HCN1: variants seen among roughly 807,000 people sequenced by gnomAD.
HCN1 encodes potassium/sodium hyperpolarization-activated cyclic nucleotide-gated channel 1.
A neutral mutation model predicts 78.9 loss-of-function variants in HCN1; 13 were observed. That is an observed-to-expected ratio of 0.16 (90% CI 0.11 to 0.26). The LOEUF (loss-of-function observed/expected upper bound fraction) is 0.26, where lower values mean the gene tolerates loss of function less well. Among genes scored for constraint, HCN1 ranks in the 10% least tolerant of loss-of-function variants. HCN1 has a pLI of 1.00. For missense variants in HCN1, 810 were observed against 1,154.3 expected, an observed-to-expected ratio of 0.70 and a Z score of 4.32; for synonymous variants, 552 against 455.5, an observed-to-expected ratio of 1.21 and a Z score of -2.70.
chr5:45,581,705 T>G (rs1744077238), intron 2 of HCN1, among the ~76,000 whole-genome samples: 1 of 152,206 alleles, frequency 6.6e-6, no homozygotes, highest in Non-Finnish European at 1.5e-5. Flanking sequence ...GTATAAGGTG[T>G]AAGGAAGGGA....
At chr5:45,291,269 C>A (rs1561090910) in intron 6 of HCN1, among the ~76,000 whole-genome samples, 1 of 152,000 alleles carries the variant, frequency 6.6e-6, no homozygotes, top group Non-Finnish European at 1.5e-5. Context: ...CTGTTCACTA[C>A]CTTCCCACAT....
chr5:45,356,233 G>T (rs1579836881), intron 4 of HCN1, among the ~76,000 whole-genome samples: 1 of 151,986 alleles, frequency 6.6e-6, no homozygotes, highest in East Asian at 1.9e-4. Context: ...CAGACAAATA[G>T]ATTTTTGAAA....
chr5:45,612,916 T>C (rs1255404656), intron 2 of HCN1, among the ~76,000 whole-genome samples: 1 of 152,204 alleles, frequency 6.6e-6, no homozygotes, highest in Non-Finnish European at 1.5e-5. Context: ...TGCATATTTA[T>C]ATTTTAAGCT....
chr5:45,475,448 C>A lies in HCN1; in HGVS notation c.850-13441G>T, dbSNP rs2111661306. Among the ~76,000 whole-genome samples the A allele has an allele frequency of 2.0e-5, 3 of 152,120 alleles. No homozygotes were observed. In the Middle Eastern group the frequency reaches 0.01, roughly 517 times the overall value. ...CTCTGTATTTTAAGGAGTTCCAGAT[C>A]CATTATCAATTTGAGCTAATGGGCT... On this transcript the variant is annotated intron_variant, in intron 2 of 7. Coordinates refer to ENST00000303230, the MANE Select transcript of HCN1 (RefSeq NM_021072.4).
chr5:45,500,815 T>C (rs1431651930), intron 2 of HCN1, among the ~76,000 whole-genome samples: 2 of 152,204 alleles, frequency 1.3e-5, no homozygotes, highest in African/African-American at 2.4e-5. Context: ...ATAATGTCTG[T>C]TGATAATTTT....
chr5:45,330,143 G>A (rs750495463), intron 5 of HCN1, among the ~76,000 whole-genome samples: 1 of 151,186 alleles, frequency 6.6e-6, no homozygotes, highest in Admixed American at 6.6e-5. Flanking sequence ...AATCAACATT[G>A]CTGAATTACT....
chr5:45,316,555 T>C (rs550831123), intron 5 of HCN1, among the ~76,000 whole-genome samples: 55 of 152,256 alleles, frequency 3.6e-4, no homozygotes, highest in African/African-American at 1.3e-3. Context: ...TGTTGGAAGT[T>C]CTGGCCAGGG....
chr5:45,368,077 G>C (rs1747271056), intron 4 of HCN1, among the ~76,000 whole-genome samples: 1 of 151,914 alleles, frequency 6.6e-6, no homozygotes, highest in Non-Finnish European at 1.5e-5. Context: ...AAACCATAAA[G>C]GAACCAGGAG....
At chr5:45,388,542 T>C (rs1290360014) in intron 4 of HCN1, among the ~76,000 whole-genome samples, 1 of 152,092 alleles carries the variant, frequency 6.6e-6, no homozygotes, top group Non-Finnish European at 1.5e-5. Flanking sequence ...ACACAAATTC[T>C]CAAGCCCCAC....
At chr5:45,429,367 C>A (rs1357174789) in intron 3 of HCN1, among the ~76,000 whole-genome samples, 1 of 152,108 alleles carries the variant, frequency 6.6e-6, no homozygotes, top group Non-Finnish European at 1.5e-5. Flanking sequence ...GCTTCTCAAC[C>A]GGGGCTAGAT....
intron 3 of HCN1, among the ~76,000 whole-genome samples, chr5:45,404,721 A>AAAAAG (rs1739887369): frequency 7.7e-6 from 1 of 129,696 alleles, no homozygotes; most frequent in African/African-American, 2.8e-5. Context: ...AAAAAAAAAA[A>AAAAAG]GGAAAAAGAA....
chr5:45,616,602 C>T (rs1201018503), intron 2 of HCN1, among the ~76,000 whole-genome samples: 1 of 151,822 alleles, frequency 6.6e-6, no homozygotes, highest in Admixed American at 6.6e-5. Flanking sequence ...TGGAAGTTGG[C>T]CACAAAATTT....
At chr5:45,569,316 G>C (rs1743778219) in intron 2 of HCN1, among the ~76,000 whole-genome samples, 1 of 152,056 alleles carries the variant, frequency 6.6e-6, no homozygotes, top group Admixed American at 6.6e-5. Context: ...AATTGTCCAT[G>C]AACCTTGTTG....
chr5:45,548,885 T>C (rs1324144378), intron 2 of HCN1, among the ~76,000 whole-genome samples: 1 of 151,318 alleles, frequency 6.6e-6, no homozygotes, highest in Non-Finnish European at 1.5e-5. Context: ...ATGAGTGAAC[T>C]CCCATTCACA....
intron 4 of HCN1, among the ~76,000 whole-genome samples, chr5:45,355,706 A>G (rs970288072): frequency 6.6e-6 from 1 of 151,970 alleles, no homozygotes; most frequent in Non-Finnish European, 1.5e-5. Context: ...CGAAAAGGCT[A>G]AAAAGTGGAA....
At chr5:45,649,501 A>C (rs1363131125) in intron 1 of HCN1, among the ~76,000 whole-genome samples, 1 of 152,052 alleles carries the variant, frequency 6.6e-6, no homozygotes, top group African/African-American at 2.4e-5. Context: ...ACATAGAGAC[A>C]TGTATATACA....
chr5:45,470,079 T>C (rs1027075404), intron 2 of HCN1, among the ~76,000 whole-genome samples: 3 of 152,052 alleles, frequency 2.0e-5, no homozygotes, highest in African/African-American at 7.2e-5. Flanking sequence ...ACTGTTAAGA[T>C]GAAAGCAAAG....
chr5:45,493,936 T>C (rs1271043728), intron 2 of HCN1, among the ~76,000 whole-genome samples: 1 of 152,168 alleles, frequency 6.6e-6, no homozygotes, highest in African/African-American at 2.4e-5. Flanking sequence ...GAACTCATCA[T>C]TTTTTATGGC....
intron 4 of HCN1, among the ~76,000 whole-genome samples, chr5:45,372,035 T>G (rs1326566801): frequency 1.8e-5 from 1 of 57,000 alleles, no homozygotes; most frequent in Non-Finnish European, 2.7e-5. Context: ...AATATAATTA[T>G]ATATATATTA....
Sources: allele counts gnomAD v4.1 joint callset (sites outside exome capture counted in the v4.1 genomes callset), GRCh38; gene constraint gnomAD v4.1.1; transcripts MANE v1.5; gene names NCBI Gene and HGNC (gene_info 2026-07-23, HGNC 2026-07-21).